The following LCLAT1 variants were observed in gnomAD, a reference collection of about 807,000 sequenced individuals.
LCLAT1 encodes the protein lysocardiolipin acyltransferase 1.
LCLAT1 carries 11 observed loss-of-function variants against 30.7 expected under a neutral mutation model. That is an observed-to-expected ratio of 0.36 (90% CI 0.23 to 0.59). LCLAT1 has a LOEUF of 0.59. Ranked by LOEUF, LCLAT1 falls within the 20% of genes least tolerant of loss-of-function variation. The pLI is 0.77. For missense variants in LCLAT1, 402 were observed against 458.6 expected, an observed-to-expected ratio of 0.88 and a Z score of 1.13; for synonymous variants, 155 against 151.3, an observed-to-expected ratio of 1.02 and a Z score of -0.18.
chr2:30,597,280 G>A (rs1164228917), intron 5 of LCLAT1, among the ~76,000 whole-genome samples: 1 of 151,916 alleles, frequency 6.6e-6, no homozygotes, highest in Non-Finnish European at 1.5e-5. Flanking sequence ...CATGAGCATG[G>A]AGTGTTTTTC....
At chr2:30,518,787 T>C (rs1427230767) in intron 1 of LCLAT1, among the ~76,000 whole-genome samples, 1 of 152,184 alleles carries the variant, frequency 6.6e-6, no homozygotes, top group Non-Finnish European at 1.5e-5. Context: ...TCAATTCTTG[T>C]TTGCCTTTGA....
At chr2:30,487,527 C>G (rs755231516) in intron 1 of LCLAT1, among the ~76,000 whole-genome samples, 3 of 152,008 alleles carry the variant, frequency 2.0e-5, no homozygotes, top group Non-Finnish European at 2.9e-5. Context: ...GTTAATAAAA[C>G]AAACTAAAAT....
chr2:30,534,372 G>A (rs1686138555), intron 3 of LCLAT1, among the ~76,000 whole-genome samples: 1 of 152,002 alleles, frequency 6.6e-6, no homozygotes, highest in African/African-American at 2.4e-5. Flanking sequence ...CCACCTCGCA[G>A]GTTCACGCTG....
intron 3 of LCLAT1, among the ~76,000 whole-genome samples, chr2:30,560,488 G>A (rs1219571619): frequency 6.6e-6 from 1 of 152,058 alleles, no homozygotes; most frequent in Non-Finnish European, 1.5e-5. Flanking sequence ...ACAGGCAGCT[G>A]CCATCATGCC....
chr2:30,507,574 G>C (rs1201639332), intron 1 of LCLAT1, among the ~76,000 whole-genome samples: 1 of 152,130 alleles, frequency 6.6e-6, no homozygotes, highest in African/African-American at 2.4e-5. Context: ...TTGGATTTCT[G>C]TTCCTGCGTT....
chr2:30,573,479 T>A (rs1410539297), intron 5 of LCLAT1, among the ~76,000 whole-genome samples: 1 of 152,188 alleles, frequency 6.6e-6, no homozygotes, highest in Non-Finnish European at 1.5e-5. Context: ...TACTCTAACA[T>A]GATTTACCCA....
At chr2:30,581,907 C>T (rs764657358) in intron 5 of LCLAT1, among the ~76,000 whole-genome samples, 2 of 149,828 alleles carry the variant, frequency 1.3e-5, no homozygotes, top group Non-Finnish European at 2.9e-5. Context: ...AGCAGCTTTT[C>T]AGTGTTCTCA....
At chr2:30,453,390 C>T (rs890990523) in intron 1 of LCLAT1, among the ~76,000 whole-genome samples, 2 of 152,160 alleles carry the variant, frequency 1.3e-5, no homozygotes, top group Non-Finnish European at 2.9e-5. Context: ...GTTTAGGTAT[C>T]TTGGGAAAGG....
chr2:30,468,524 T>G (rs1308500297), intron 1 of LCLAT1, among the ~76,000 whole-genome samples: 4 of 54,618 alleles, frequency 7.3e-5, no homozygotes, highest in African/African-American at 5.6e-4. Context: ...ATATATCTGT[T>G]TTTTTTTTAA....
At chr2:30,625,935 A>G (rs1287811610) in intron 5 of LCLAT1, among the ~76,000 whole-genome samples, 1 of 152,216 alleles carries the variant, frequency 6.6e-6, no homozygotes, top group East Asian at 1.9e-4. Flanking sequence ...CGATACTTAA[A>G]AGTGACTGTG....
intron 5 of LCLAT1, among the ~76,000 whole-genome samples, chr2:30,612,192 C>G (rs568532093): frequency 1.7e-4 from 26 of 152,060 alleles, no homozygotes; most frequent in Non-Finnish European, 2.9e-4. Context: ...CTGTTGTTAT[C>G]AGAGAGAAAA....
chr2:30,500,908 G>C (rs775413212), intron 1 of LCLAT1, among the ~76,000 whole-genome samples: 9 of 151,960 alleles, frequency 5.9e-5, no homozygotes, highest in African/African-American at 1.7e-4. Context: ...CAACCATCAG[G>C]CCTCACAGAT....
Position 30,623,198 on chromosome 2 carries a change from C to T in LCLAT1, c.629-16919C>T, listed in dbSNP as rs546928821. 1.4e-4 allele frequency among the ~76,000 whole-genome samples: 22 copies of T among 151,906 alleles called. No individual in the cohort carries two copies. The South Asian group carries it at 3.3e-3, about 23-fold the overall frequency. On this transcript the variant is annotated intron_variant, in intron 5 of 5. Transcript: ENST00000379509. Reference sequence around the variant, plus strand: ...CCTCCCGAGTAGCTGGGACTACAGGCGCCTGTCACCACGCCCAGCTAATTT... The same window carrying T: ...CCTCCCGAGTAGCTGGGACTACAGGTGCCTGTCACCACGCCCAGCTAATTT...
intron 5 of LCLAT1, among the ~76,000 whole-genome samples, chr2:30,633,327 A>G (rs1310975597): frequency 6.6e-6 from 1 of 152,222 alleles, no homozygotes; most frequent in Non-Finnish European, 1.5e-5. Flanking sequence ...ATGAATTTAG[A>G]TCTGGAAAAT....
chr2:30,538,137 C>A (rs946150016), intron 3 of LCLAT1, among the ~76,000 whole-genome samples: 1 of 151,928 alleles, frequency 6.6e-6, no homozygotes, highest in African/African-American at 2.4e-5. Context: ...AAAAAGATTT[C>A]AAATAAATAA....
intron 2 of LCLAT1, among the ~76,000 whole-genome samples, chr2:30,526,732 G>A (rs1227432168): frequency 6.6e-6 from 1 of 152,172 alleles, no homozygotes; most frequent in Non-Finnish European, 1.5e-5. Flanking sequence ...ATGCAGTGAT[G>A]AACAGGACAG....
At chr2:30,509,443 A>G (rs1421753778) in intron 1 of LCLAT1, among the ~76,000 whole-genome samples, 1 of 152,222 alleles carries the variant, frequency 6.6e-6, no homozygotes, top group African/African-American at 2.4e-5. Context: ...TGTTCCTTAA[A>G]AGCCCAGTTA....
At chr2:30,549,808 TA>T (rs1404527448) in intron 3 of LCLAT1, among the ~76,000 whole-genome samples, 2 of 152,232 alleles carry the variant, frequency 1.3e-5, no homozygotes, top group East Asian at 3.8e-4. Context: ...ATATGTCATT[TA>T]AAAAATATGG....
chr2:30,632,271 A>C (rs1054355839), intron 5 of LCLAT1, among the ~76,000 whole-genome samples: 3 of 152,250 alleles, frequency 2.0e-5, no homozygotes, highest in African/African-American at 4.8e-5. Context: ...TCCTTGACTT[A>C]ATAAAAAACA....
Sources: gnomAD v4.1 joint callset for allele counts (sites outside exome capture counted in the v4.1 genomes callset) on GRCh38, gnomAD v4.1.1 for gene constraint, MANE v1.5 for transcripts, NCBI Gene and HGNC (gene_info 2026-07-23, HGNC 2026-07-21) for gene names.